Variants in MIA2 observed in about 807,000 individuals in gnomAD.
MIA2 encodes melanoma inhibitory activity protein 2.
In MIA2, 127 loss-of-function variants were observed where a neutral mutation model predicts 167.8. The ratio of observed to expected loss-of-function variants is 0.76; its 90% CI spans 0.66 to 0.88. The LOEUF (loss-of-function observed/expected upper bound fraction) is 0.88. Among genes scored for constraint, MIA2 ranks in the 40% least tolerant of loss-of-function variants. The pLI is 0.00. For missense variants in MIA2, 1,690 were observed against 1,624.7 expected (o/e 1.04, Z -0.69); for synonymous variants, 552 against 541.9 (o/e 1.02, Z -0.26).
Position 39,319,301 on chromosome 14 carries a change from T to C in MIA2, c.3367+10T>C, listed in dbSNP as rs766268181. 1 of 1,475,718 alleles carries C rather than the reference T, an allele frequency of 6.8e-7. No homozygotes were observed. Among genetic ancestry groups the C allele is most frequent in the Admixed American group, 2.2e-5 (1 of 45,236 alleles). The allele number at this position is 1,475,718 out of a possible 1,614,324, so 91.4% of individuals were successfully genotyped here. A position where few individuals can be genotyped will look rare whatever the true frequency, so the allele number is the denominator to read the frequency against. ...ACAGCATTTGGCAGAGGTAGTCTTTTTTTTTTTACCCCTCATTTAAAATAC... is the reference window on the plus strand; with the variant it reads ...ACAGCATTTGGCAGAGGTAGTCTTTCTTTTTTTACCCCTCATTTAAAATAC... On this transcript the variant is annotated intron_variant, in intron 23 of 28. Transcript: ENST00000640607.
chr14:39,377,022 C>T (rs953485336), intron 23 of MIA2, among the ~76,000 whole-genome samples: 4 of 152,162 alleles, frequency 2.6e-5, no homozygotes, highest in Non-Finnish European at 5.9e-5. Context: ...TCCCGAGTTT[C>T]TATTTTCCTT....
At chr14:39,284,991 G>A (rs1374818167) in intron 9 of MIA2, among the ~76,000 whole-genome samples, 1 of 152,106 alleles carries the variant, frequency 6.6e-6, no homozygotes, top group Non-Finnish European at 1.5e-5. Context: ...GTTTAGCAAA[G>A]CACATCTTGC....
At chr14:39,371,942 G>A (rs1209973608) in intron 23 of MIA2, among the ~76,000 whole-genome samples, 1 of 152,000 alleles carries the variant, frequency 6.6e-6, no homozygotes, top group Non-Finnish European at 1.5e-5. Flanking sequence ...CTTCAGAAGG[G>A]GGAGAGAGTC....
chr14:39,239,040 T>C (rs1259716911), intron 2 of MIA2, among the ~76,000 whole-genome samples: 1 of 152,180 alleles, frequency 6.6e-6, no homozygotes, highest in Non-Finnish European at 1.5e-5. Flanking sequence ...CATGGTCGAC[T>C]TGATACATGT....
At chr14:39,286,405 G>C (rs913258303) in intron 9 of MIA2, among the ~76,000 whole-genome samples, 4 of 152,018 alleles carry the variant, frequency 2.6e-5, no homozygotes, top group African/African-American at 9.7e-5. Context: ...GTACAGTCCA[G>C]CTTTGGCTCG....
chr14:39,298,632 TA>T (rs1454195359), intron 13 of MIA2, among the ~76,000 whole-genome samples: 130 of 147,264 alleles, frequency 8.8e-4, no homozygotes, highest in African/African-American at 2.9e-3. Context: ...AACAGAGTTT[TA>T]AAGACTAAAT....
At chr14:39,352,401 A>G (rs758966618), downstream of MIA2, among the ~76,000 whole-genome samples, 8 of 151,470 alleles carry the variant, frequency 5.3e-5, no homozygotes, top group Non-Finnish European at 7.4e-5. Context: ...GTTGGAGTTC[A>G]CTCTCAAGTA....
At chr14:39,385,342 T>TTA in intron 23 of MIA2, 1 of 844,570 alleles carries the variant, frequency 1.2e-6, no homozygotes, top group Non-Finnish European at 2.0e-6. Context: ...AAAGTTCAGG[T>TTA]TATACTCACT....
intron 3 of MIA2, among the ~76,000 whole-genome samples, chr14:39,245,711 GA>G (rs1221798643): frequency 4.6e-5 from 7 of 152,064 alleles, no homozygotes; most frequent in Admixed American, 4.6e-4. Flanking sequence ...GAGAGAGAGA[GA>G]GCAAGACAGG....
chr14:39,329,128 C>G (rs1046712856), intron 25 of MIA2, among the ~76,000 whole-genome samples: 22 of 143,004 alleles, frequency 1.5e-4, no homozygotes, highest in Admixed American at 3.4e-4. Context: ...TGTTTGTGTC[C>G]TCTCTTATTT....
chr14:39,291,132 G>GA (rs754953254), intron 10 of MIA2, 36 bp downstream of exon 10: 3 of 1,541,276 alleles, frequency 1.9e-6, no homozygotes, highest in Admixed American at 2.1e-5. Context: ...AAAAGCTGGG[G>GA]AAAAAAATAC....
intron 9 of MIA2, among the ~76,000 whole-genome samples, chr14:39,285,930 G>A (rs181985482): frequency 0.17 from 25,883 of 150,028 alleles, 2,369 homozygotes; most frequent in Middle Eastern, 0.29. Flanking sequence ...ACGGGATGGC[G>A]GCCGGGAAGA....
At chr14:39,290,187 G>T in intron 9 of MIA2, among the ~76,000 whole-genome samples, 1 of 152,248 alleles carries the variant, frequency 6.6e-6, no homozygotes. Context: ...TGAAATCTCT[G>T]CTTAGTTTCT....
At chr14:39,266,260 A>C in intron 6 of MIA2, 1 of 985,412 alleles carries the variant, frequency 1.0e-6, no homozygotes, top group Non-Finnish European at 1.2e-6. Context: ...CAAGGAAGAC[A>C]TATATATGAG....
chr14:39,302,923 C>A (rs2062767149), intron 15 of MIA2, among the ~76,000 whole-genome samples: 1 of 152,104 alleles, frequency 6.6e-6, no homozygotes, highest in Non-Finnish European at 1.5e-5. Context: ...TTTTTCTGTT[C>A]TCTTCCCCAG....
chr14:39,300,063 T>C (rs973691074), intron 14 of MIA2, 77 bp downstream of exon 14: 1 of 1,520,294 alleles, frequency 6.6e-7, no homozygotes, highest in Non-Finnish European at 8.8e-7. Context: ...AGCTAGTTTT[T>C]AGCAACTTTT....
intron 6 of MIA2, among the ~76,000 whole-genome samples, chr14:39,264,055 A>G (rs1310708795): frequency 6.6e-6 from 1 of 152,196 alleles, no homozygotes; most frequent in Non-Finnish European, 1.5e-5. Flanking sequence ...TCATCCAGAT[A>G]GTGAACATAA....
intron 1 of MIA2, among the ~76,000 whole-genome samples, chr14:39,235,982 T>C (rs1328113921): frequency 6.6e-6 from 1 of 152,102 alleles, no homozygotes; most frequent in African/African-American, 2.4e-5. Context: ...GGTAATATGG[T>C]GTGTATATTC....
intron 25 of MIA2, among the ~76,000 whole-genome samples, chr14:39,343,034 A>G (rs1296524511): frequency 6.6e-6 from 1 of 152,132 alleles, no homozygotes; most frequent in African/African-American, 2.4e-5. Context: ...CCAATATCTC[A>G]CCATTACTAA....
Sources: gnomAD v4.1 joint callset for allele counts (sites outside exome capture counted in the v4.1 genomes callset) on GRCh38, gnomAD v4.1.1 for gene constraint, MANE v1.5 for transcripts, NCBI Gene and HGNC (gene_info 2026-07-23, HGNC 2026-07-21) for gene names.